ADGRG6: variants seen among roughly 807,000 people sequenced by gnomAD.
ADGRG6 encodes the protein adhesion G protein-coupled receptor G6.
A neutral mutation model predicts 142.4 loss-of-function variants in ADGRG6; 84 were observed. That is an observed-to-expected ratio of 0.59 (90% confidence interval 0.49 to 0.71). ADGRG6 has a LOEUF of 0.71. Among genes scored for constraint, ADGRG6 ranks in the 30% least tolerant of loss-of-function variants. The probability of loss-of-function intolerance (pLI) is 0.00; values close to 1 mark genes in which losing one functional copy is unlikely to be tolerated. For synonymous variants in ADGRG6, 521 were observed against 520.5 expected (o/e 1.00, Z -0.01); for missense variants, 1,367 against 1,466.6 (o/e 0.93, Z 1.11).
intron 2 of ADGRG6, among the ~76,000 whole-genome samples, chr6:142,346,672 A>G (rs1273271323): frequency 6.6e-6 from 1 of 152,198 alleles, no homozygotes; most frequent in African/African-American, 2.4e-5. Flanking sequence ...TGGCACATAT[A>G]CACCATGGAA....
At chr6:142,438,956 A>G (rs1418617345) in intron 24 of ADGRG6, among the ~76,000 whole-genome samples, 4 of 152,192 alleles carry the variant, frequency 2.6e-5, no homozygotes, top group Non-Finnish European at 4.4e-5. Flanking sequence ...GACACTGAAC[A>G]TGTATGTGAA....
At chr6:142,378,574 G>C (rs1053765676) in intron 4 of ADGRG6, among the ~76,000 whole-genome samples, 2 of 152,170 alleles carry the variant, frequency 1.3e-5, no homozygotes, top group African/African-American at 4.8e-5. Context: ...CCTCAGTCCT[G>C]CCTTAACTTC....
intron 2 of ADGRG6, among the ~76,000 whole-genome samples, chr6:142,333,871 A>G (rs964457827): frequency 1.1e-4 from 17 of 152,224 alleles, no homozygotes; most frequent in African/African-American, 3.9e-4. Context: ...TCACATTAGC[A>G]CTAAGTGGCA....
chr6:142,383,202 A>G (rs1053527602), intron 5 of ADGRG6, among the ~76,000 whole-genome samples: 2 of 152,138 alleles, frequency 1.3e-5, no homozygotes, highest in Admixed American at 6.5e-5. Flanking sequence ...TTTATCCATC[A>G]ATGTTTAGTA....
chr6:142,318,309 TTA>T (rs1166361698), intron 2 of ADGRG6, among the ~76,000 whole-genome samples: 1 of 88,258 alleles, frequency 1.1e-5, no homozygotes, highest in African/African-American at 4.7e-5. Context: ...TATATTTATA[TTA>T]TATATTTATA....
At chr6:142,347,713 T>C (rs1225657687) in intron 2 of ADGRG6, among the ~76,000 whole-genome samples, 1 of 152,172 alleles carries the variant, frequency 6.6e-6, no homozygotes, top group East Asian at 1.9e-4. Context: ...AGTCAAGTCT[T>C]ATTCTTCTCA....
intron 22 of ADGRG6, among the ~76,000 whole-genome samples, chr6:142,430,769 A>G (rs1562390762): frequency 6.6e-6 from 1 of 152,222 alleles, no homozygotes; most frequent in Admixed American, 6.5e-5. Context: ...TGAAAGGATT[A>G]GATATCAAAA....
intron 3 of ADGRG6, among the ~76,000 whole-genome samples, chr6:142,368,142 G>T (rs1583045527): frequency 1.3e-5 from 2 of 152,148 alleles, no homozygotes; most frequent in African/African-American, 4.8e-5. Flanking sequence ...TTGTTTATAT[G>T]TGGAACATTT....
At chr6:142,386,839 C>T (rs1782053061) in intron 6 of ADGRG6, among the ~76,000 whole-genome samples, 1 of 152,140 alleles carries the variant, frequency 6.6e-6, no homozygotes, top group Non-Finnish European at 1.5e-5. Context: ...CATGGCAGGG[C>T]ACACTCACAC....
intron 2 of ADGRG6, among the ~76,000 whole-genome samples, chr6:142,317,712 A>T (rs1778154608): frequency 9.2e-6 from 1 of 108,904 alleles, no homozygotes; most frequent in Non-Finnish European, 1.7e-5. Flanking sequence ...ATATATATAT[A>T]TTTATATTAT....
intron 2 of ADGRG6, among the ~76,000 whole-genome samples, chr6:142,313,982 G>T (rs1010416212): frequency 6.6e-5 from 10 of 152,116 alleles, no homozygotes; most frequent in South Asian, 4.1e-4. Context: ...TGCATATAAT[G>T]ATAAATGTGT....
intron 8 of ADGRG6, among the ~76,000 whole-genome samples, chr6:142,393,673 G>A (rs947033243): frequency 2.4e-4 from 37 of 152,090 alleles, no homozygotes; most frequent in Non-Finnish European, 4.3e-4. Context: ...TTATCAGAAC[G>A]TCTCAGTTTC....
chr6:142,313,926 T>C (rs1373800665), intron 2 of ADGRG6, among the ~76,000 whole-genome samples: 2 of 152,112 alleles, frequency 1.3e-5, no homozygotes, highest in African/African-American at 2.4e-5. Context: ...AATTACTAAG[T>C]GTGTCTTAAA....
chr6:142,408,630 G>A (rs1775933243), intron 16 of ADGRG6, among the ~76,000 whole-genome samples: 1 of 152,164 alleles, frequency 6.6e-6, no homozygotes, highest in Non-Finnish European at 1.5e-5. Context: ...TATTTGCAAA[G>A]ATAACTGCAA....
intron 4 of ADGRG6, among the ~76,000 whole-genome samples, chr6:142,377,211 T>C (rs1471614265): frequency 6.6e-6 from 1 of 152,186 alleles, no homozygotes; most frequent in Non-Finnish European, 1.5e-5. Flanking sequence ...GAGTGGTCAG[T>C]AGAGCAGGAC....
chr6:142,435,476 T>C (rs1777438844), intron 22 of ADGRG6, among the ~76,000 whole-genome samples: 1 of 152,160 alleles, frequency 6.6e-6, no homozygotes, highest in Non-Finnish European at 1.5e-5. Context: ...TCCTATTACC[T>C]CTTAATTTGA....
intron 4 of ADGRG6, among the ~76,000 whole-genome samples, chr6:142,381,007 T>C (rs1263819065): frequency 1.3e-5 from 2 of 152,202 alleles, no homozygotes; most frequent in Non-Finnish European, 2.9e-5. Flanking sequence ...CATGATTCTT[T>C]CCTTGGGTCA....
intron 2 of ADGRG6, among the ~76,000 whole-genome samples, chr6:142,328,545 G>A (rs1192908728): frequency 1.3e-5 from 2 of 152,088 alleles, no homozygotes; most frequent in African/African-American, 4.8e-5. Flanking sequence ...TGATAGCCAG[G>A]AGTCAGGTTG....
At chr6:142,407,179 A>C (rs1325485283) in intron 15 of ADGRG6, among the ~76,000 whole-genome samples, 1 of 151,086 alleles carries the variant, frequency 6.6e-6, no homozygotes, top group Non-Finnish European at 1.5e-5. Context: ...TTAAAAAAAA[A>C]AAAAAAAAAA....
Sources: gnomAD v4.1 joint callset for allele counts (sites outside exome capture counted in the v4.1 genomes callset) on GRCh38, gnomAD v4.1.1 for gene constraint, MANE v1.5 for transcripts, NCBI Gene and HGNC (gene_info 2026-07-23, HGNC 2026-07-21) for gene names.